ANXA8: variants seen among roughly 807,000 people sequenced by gnomAD.
ANXA8 encodes annexin A8, also known as VAC-beta.
A neutral mutation model predicts 26.8 loss-of-function variants in ANXA8; 9 were observed. That is an observed-to-expected ratio of 0.34 (90% CI 0.20 to 0.59). The LOEUF is 0.59. Among genes scored for constraint, ANXA8 ranks in the 20% least tolerant of loss-of-function variants. ANXA8 has a pLI of 0.84. For missense variants in ANXA8, 83 were observed against 238.5 expected (o/e 0.35, Z 4.29); for synonymous variants, 39 against 94.8 (o/e 0.41, Z 3.42).
chr10:47,607,461 C>T, the ANXA8 span, among the ~76,000 whole-genome samples: 1 of 150,608 alleles, frequency 6.6e-6, no homozygotes, highest in African/African-American at 2.5e-5. Context: ...AGTAAAATTA[C>T]ATTCTGTATG....
the ANXA8 span, among the ~76,000 whole-genome samples, chr10:47,684,118 G>A: frequency 2.4e-3 from 368 of 151,846 alleles, 1 homozygote; most frequent in African/African-American, 8.3e-3. Flanking sequence ...TATTAACTGC[G>A]GTAATGGAGA....
the ANXA8 span, among the ~76,000 whole-genome samples, chr10:47,530,712 AG>A: frequency 1.5e-5 from 2 of 137,550 alleles, no homozygotes; most frequent in African/African-American, 5.4e-5. Context: ...AAAAGAAAAA[AG>A]AGAGAAAATA....
chr10:47,522,307 G>A, the ANXA8 span, among the ~76,000 whole-genome samples: 1 of 146,358 alleles, frequency 6.8e-6, no homozygotes, highest in East Asian at 2.3e-4. Context: ...GGTAAATAAA[G>A]TCTGTTAAGT....
chr10:47,989,332 C>CG, the ANXA8 span, among the ~76,000 whole-genome samples: 1 of 115,374 alleles, frequency 8.7e-6, no homozygotes, highest in Non-Finnish European at 1.9e-5. Context: ...CCCCAGCACT[C>CG]GGGGGCTGTG....
the ANXA8 span, among the ~76,000 whole-genome samples, chr10:47,672,181 T>C: frequency 6.7e-6 from 1 of 150,332 alleles, no homozygotes. Flanking sequence ...GAGTAATAAT[T>C]AGCAAGTAAT....
chr10:47,663,183 A>T, the ANXA8 span, among the ~76,000 whole-genome samples: 1 of 146,020 alleles, frequency 6.8e-6, no homozygotes, highest in Non-Finnish European at 1.5e-5. Context: ...CCCTATCTCA[A>T]AAAAAAGAAA....
At chr10:47,985,880 G>T in the ANXA8 span, 1 of 147,530 alleles carries the variant, frequency 6.8e-6, no homozygotes, top group East Asian at 2.0e-4. Context: ...TCAGGAACAC[G>T]ATTCAGAGCT....
the ANXA8 span, among the ~76,000 whole-genome samples, chr10:47,696,005 C>T: frequency 9.3e-3 from 1,413 of 151,736 alleles, 36 homozygotes; most frequent in African/African-American, 0.032. Context: ...TAGAAGGGAC[C>T]AGTGCATACT....
chr10:47,986,086 C>T, the ANXA8 span: 1 of 150,852 alleles, frequency 6.6e-6, no homozygotes, highest in Non-Finnish European at 1.5e-5. Flanking sequence ...TATGAGTTTT[C>T]ACCTCTTTAT....
chr10:47,673,188 T>C, the ANXA8 span, among the ~76,000 whole-genome samples: 1 of 151,644 alleles, frequency 6.6e-6, no homozygotes, highest in Non-Finnish European at 1.5e-5. Flanking sequence ...CCCACAGATG[T>C]TCACTGAATG....
At chr10:47,684,600 T>C in the ANXA8 span, among the ~76,000 whole-genome samples, 1 of 151,862 alleles carries the variant, frequency 6.6e-6, no homozygotes, top group Non-Finnish European at 1.5e-5. Context: ...TTGAGATTTT[T>C]TTTGAGACAG....
chr10:47,986,955 C>A, the ANXA8 span: 1 of 517,604 alleles, frequency 1.9e-6, no homozygotes, highest in Non-Finnish European at 3.8e-6. Context: ...AGGGGGGACG[C>A]GACCTCGTCC....
At chr10:47,753,121 T>G in the ANXA8 span, 4 of 840,740 alleles carry the variant, frequency 4.8e-6, no homozygotes, top group South Asian at 1.6e-4. Flanking sequence ...AAAATTAAAA[T>G]AAAAAAAAAA....
the ANXA8 span, among the ~76,000 whole-genome samples, chr10:47,736,953 C>G: frequency 2.0e-5 from 3 of 151,836 alleles, no homozygotes; most frequent in African/African-American, 4.8e-5. Flanking sequence ...CTGCGCCCAG[C>G]CTTAATTGAA....
At chr10:47,902,042 AT>A in the ANXA8 span, among the ~76,000 whole-genome samples, 27 of 149,218 alleles carry the variant, frequency 1.8e-4, no homozygotes, top group East Asian at 4.1e-4. Context: ...TAATCATCTA[AT>A]TTTTTTTAAC....
the ANXA8 span, among the ~76,000 whole-genome samples, chr10:47,666,184 C>A: frequency 7.0e-6 from 1 of 142,356 alleles, no homozygotes; most frequent in South Asian, 2.2e-4. Flanking sequence ...TCTTACCCGC[C>A]CCCCCCATCC....
At chr10:47,533,225 C>CACACATACACACA in the ANXA8 span, among the ~76,000 whole-genome samples, 377 of 98,084 alleles carry the variant, frequency 3.8e-3, 2 homozygotes, top group African/African-American at 0.014. Flanking sequence ...ACACACACAC[C>CACACATACACACA]CCCGCAGACA....
chr10:47,659,463 T>G, the ANXA8 span, among the ~76,000 whole-genome samples: 1 of 151,506 alleles, frequency 6.6e-6, no homozygotes, highest in Non-Finnish European at 1.5e-5. Context: ...GCGGATCACC[T>G]GAGGTCAGGA....
the ANXA8 span, among the ~76,000 whole-genome samples, chr10:47,503,901 T>C: frequency 1.3e-5 from 1 of 74,272 alleles, no homozygotes; most frequent in Non-Finnish European, 2.3e-5. Context: ...GATCGCGCGA[T>C]TGCACTCCAG....
Sources: gnomAD v4.1 joint callset for allele counts (sites outside exome capture counted in the v4.1 genomes callset) on GRCh38, gnomAD v4.1.1 for gene constraint, MANE v1.5 for transcripts, NCBI Gene and HGNC (gene_info 2026-07-23, HGNC 2026-07-21) for gene names.